The following ZNF792 variants were observed in gnomAD, a reference collection of about 807,000 sequenced individuals.
The protein encoded by ZNF792 is zinc finger protein 792.
A neutral mutation model predicts 13.1 loss-of-function variants in ZNF792; 14 were observed. The observed-to-expected ratio is 1.07, with a 90% confidence interval of 0.71 to 1.67. The LOEUF (loss-of-function observed/expected upper bound fraction) is 1.67, where lower values mean the gene tolerates loss of function less well. Ranked by LOEUF, ZNF792 falls within the 40% of genes most tolerant of loss-of-function variation. The pLI is 0.00. For missense variants in ZNF792, 740 were observed against 807.9 expected, an observed-to-expected ratio of 0.92 and a Z score of 1.02; for synonymous variants, 257 against 292.0, an observed-to-expected ratio of 0.88 and a Z score of 1.22.
At position 34,958,667 on chromosome 19, in the gene ZNF792, G is replaced by A. The variant is rs1415744884; in HGVS notation, c.1188C>T (p.Cys396=). The change falls in exon 4 of 4, where the codon TGC becomes TGT. Residue 396 remains cysteine (C), a synonymous_variant. Coordinates refer to ENST00000404801, the MANE Select transcript of ZNF792 (RefSeq NM_175872.5). Reference sequence around the variant, plus strand: ...AGTTGAAAGATTTCCCACATTCACTGCACTCATGGGCACTTCTGCCCGTAT... The same window carrying A: ...AGTTGAAAGATTTCCCACATTCACTACACTCATGGGCACTTCTGCCCGTAT... The part of the protein sequence containing the change: ...RVHTGRSAHE[C]SECGKSFNCN... 2.5e-6 allele frequency: 4 copies of A among 1,614,132 alleles called. No individual in the cohort carries two copies. The East Asian group carries it at 6.7e-5, about 27-fold the overall frequency.
chr19:34,963,957 C>A lies in ZNF792; in HGVS notation c.-295G>T, dbSNP rs1010395677. On this transcript the variant is annotated 5_prime_UTR_variant, in exon 1 of 4. Transcript: ENST00000404801. ...CCGGCCTCACTGTCCCCCTCGCGGTCCGGGAAAGCCGGCGGGGCAGCTTCA... is the reference window on the plus strand; with the variant it reads ...CCGGCCTCACTGTCCCCCTCGCGGTACGGGAAAGCCGGCGGGGCAGCTTCA... 3.4e-5 allele frequency: 13 copies of A among 379,384 alleles called. No homozygotes were observed. The highest frequency in any genetic ancestry group is 5.2e-5 in the Non-Finnish European group (11 of 212,268). The allele number at this position is 379,384 out of a possible 1,614,324, so 23.5% of individuals were successfully genotyped here. A position where few individuals can be genotyped will look rare whatever the true frequency, so the allele number is the denominator to read the frequency against.
intron 2 of ZNF792, 41 bp downstream of exon 2, chr19:34,960,825 CAG>C: frequency 6.2e-7 from 1 of 1,613,340 alleles, no homozygotes; most frequent in South Asian, 1.1e-5. Flanking sequence ...AGGGGACAGG[CAG>C]AGAGGAGCTC....
In ZNF792 at chr19:34,963,851, C is replaced by T; in HGVS notation, c.-189G>A. 1.5e-6 allele frequency: 1 copy of T among 645,958 alleles called. No individual in the cohort carries two copies. Among genetic ancestry groups the T allele is most frequent in the Admixed American group, 3.5e-5 (1 of 28,906 alleles). The allele number at this position is 645,958 out of a possible 1,614,324, so 40.0% of individuals were successfully genotyped here. ...CGCAAGGGGCCCGGGGCGCAGGCTCCGGGGGCGCCGAGAGCGCGCAGCTCC... is the reference window on the plus strand; with the variant it reads ...CGCAAGGGGCCCGGGGCGCAGGCTCTGGGGGCGCCGAGAGCGCGCAGCTCC... On this transcript the variant is annotated 5_prime_UTR_variant, in exon 1 of 4. Transcript: ENST00000404801.
Position 34,963,735 on chromosome 19 carries a change from G to A in ZNF792, c.-73C>T, listed in dbSNP as rs1200514208. 6.8e-7 allele frequency: 1 copy of A among 1,462,640 alleles called. No individual in the cohort carries two copies. Among genetic ancestry groups the A allele is most frequent in the East Asian group, 2.5e-5 (1 of 40,210 alleles). 90.6% of individuals were successfully genotyped at this position (1,462,640 alleles called of 1,614,324 possible). On this transcript the variant is annotated 5_prime_UTR_variant, in exon 1 of 4. Transcript: ENST00000404801. Reference sequence around the variant, plus strand: ...GCGGGGGTAGGGGGTCTCGCAGGCTGAGGCTACCACCCACCTGGCCGTGCC... The same window carrying A: ...GCGGGGGTAGGGGGTCTCGCAGGCTAAGGCTACCACCCACCTGGCCGTGCC...
intron 1 of ZNF792, 79 bp downstream of exon 1, chr19:34,963,551 A>G: frequency 6.4e-7 from 1 of 1,551,766 alleles, no homozygotes; most frequent in Non-Finnish European, 8.7e-7. Context: ...TCCTAGAACA[A>G]AGCCATCTTT....
Position 34,964,028 on chromosome 19 carries a change from TC to T in ZNF792, c.-367del, listed in dbSNP as rs1369971522. On this transcript the variant is annotated 5_prime_UTR_variant, in exon 1 of 4. Transcript: ENST00000404801. Reference sequence around the variant, plus strand: ...CCGCCCCCAACTCGGGGTCCCCAGCTCCTGGGGACTCAGCCTCCCCGCCGGG... The same window carrying T: ...CCGCCCCCAACTCGGGGTCCCCAGCTCTGGGGACTCAGCCTCCCCGCCGGG... 4.0e-6 allele frequency: 1 copy of T among 250,264 alleles called. No homozygotes were observed. Among genetic ancestry groups the T allele is most frequent in the African/African-American group, 2.3e-5 (1 of 44,258 alleles). 15.5% of individuals were successfully genotyped at this position (250,264 alleles called of 1,614,324 possible).
chr19:34,963,764 G>T lies in ZNF792; in HGVS notation c.-102C>A. Reference sequence around the variant, plus strand: ...CTACCACCCACCTGGCCGTGCCCCAGACGAGGTGTGACCCCGGGCTGAGGG... The same window carrying T: ...CTACCACCCACCTGGCCGTGCCCCATACGAGGTGTGACCCCGGGCTGAGGG... On this transcript the variant is annotated 5_prime_UTR_variant, in exon 1 of 4. The change creates a new upstream start codon in the 5' untranslated region. Transcript: ENST00000404801. 1 of 1,283,220 alleles carries T rather than the reference G, an allele frequency of 7.8e-7. No homozygotes were observed. The highest frequency in any genetic ancestry group is 1.5e-5 in the African/African-American group (1 of 66,684). The allele number at this position is 1,283,220 out of a possible 1,614,324, so 79.5% of individuals were successfully genotyped here.
rs1456624267 is a variant in ZNF792, at chr19:34,956,785, A to G, written c.*1171T>C. 2 of 152,090 alleles carry G rather than the reference A, an allele frequency of 1.3e-5. No homozygotes were observed. Among genetic ancestry groups the G allele is most frequent in the Admixed American group, 6.5e-5 (1 of 15,272 alleles). 9.4% of individuals were successfully genotyped at this position (152,090 alleles called of 1,614,324 possible). On this transcript the variant is annotated 3_prime_UTR_variant, in exon 4 of 4. Coordinates refer to ENST00000404801, the MANE Select transcript of ZNF792 (RefSeq NM_175872.5). ...TAGGATCTGCTTTTTCTCAGTCCCT[A>G]TTTTCCTGCCAGCACAGCACTGGCC...
At chr19:34,960,684 C>G in intron 2 of ZNF792, 184 bp downstream of exon 2, 1 of 909,198 alleles carries the variant, frequency 1.1e-6, no homozygotes, top group Admixed American at 2.4e-5. Flanking sequence ...GGTGTGGGGG[C>G]AGCTCAGGGA....
chr19:34,958,402 T>A lies in ZNF792; in HGVS notation c.1453A>T (p.Lys485Ter), dbSNP rs777431125. The change falls in exon 4 of 4, where the codon AAG (lysine) becomes TAG (stop). Residue 485 changes from lysine to a stop codon, truncating the protein, a stop_gained. Coordinates refer to ENST00000404801, the MANE Select transcript of ZNF792 (RefSeq NM_175872.5). LOFTEE classifies it low-confidence loss of function (END_TRUNC). ...AGGCTGGAGCTCTGGCTAAATAACT[T>A]CCCACATTCATTGCATTCATAAGGC... ...ERPYECNECG[K>*]LFSQSSSLNS... The A allele has an allele frequency of 7.4e-6, 12 of 1,613,758 alleles. No individual in the cohort carries two copies. The highest frequency in any genetic ancestry group is 1.0e-5 in the Non-Finnish European group (12 of 1,179,842).
At chr19:34,959,853 C>T (rs1406141249) in intron 3 of ZNF792, among the ~76,000 whole-genome samples, 2 of 152,180 alleles carry the variant, frequency 1.3e-5, no homozygotes, top group Non-Finnish European at 2.9e-5. Context: ...TTTGGCAGGG[C>T]CTGGGCTGCT....
In ZNF792 at chr19:34,956,748, G is replaced by GT. The variant is rs2013436686; in HGVS notation, c.*1207dup. The GT allele has an allele frequency of 6.6e-6, 1 of 152,154 alleles. No individual in the cohort carries two copies. The highest frequency in any genetic ancestry group is 2.1e-4 in the South Asian group (1 of 4,828). The allele number at this position is 152,154 out of a possible 1,614,324, so 9.4% of individuals were successfully genotyped here. A position where few individuals can be genotyped will look rare whatever the true frequency, so the allele number is the denominator to read the frequency against. On this transcript the variant is annotated 3_prime_UTR_variant, in exon 4 of 4. Transcript: ENST00000404801. ...GGCTGGCTACGTCATAGATACTACAGTCCCTATAGTATAGGATCTGCTTTT... is the reference window on the plus strand; with the variant it reads ...GGCTGGCTACGTCATAGATACTACAGTTCCCTATAGTATAGGATCTGCTTTT...
intron 3 of ZNF792, 100 bp downstream of exon 3, chr19:34,960,135 G>T: frequency 6.6e-7 from 1 of 1,509,272 alleles, no homozygotes; most frequent in Non-Finnish European, 9.0e-7. Context: ...TCTGGCTACT[G>T]GCATTGGTAT....
In ZNF792 at chr19:34,960,246, C is replaced by T; in HGVS notation, c.272G>A (p.Arg91Lys). ...TSAMARGAYG[R>K]PGSDFCHGTE... The stretch of plus-strand genomic sequence containing the variant: ...CCATCGCTGCTTACCAGAGCCAGGC[C>T]TGCCATAAGCCCCTCTGGCCATGGC... The change falls in exon 3 of 4, where the codon AGG (arginine) becomes AAG (lysine). Residue 91 changes from arginine to lysine, a missense_variant. Arg to Lys is a conservative substitution (Grantham distance 26). Coordinates refer to ENST00000404801, the MANE Select transcript of ZNF792 (RefSeq NM_175872.5). 6.2e-7 allele frequency: 1 copy of T among 1,613,788 alleles called. No individual in the cohort carries two copies. Among genetic ancestry groups the T allele is most frequent in the Non-Finnish European group, 8.5e-7 (1 of 1,179,706 alleles).
intron 1 of ZNF792, 113 bp downstream of exon 1, chr19:34,963,517 C>G (rs2013558049): frequency 1.4e-6 from 2 of 1,469,682 alleles, no homozygotes; most frequent in Non-Finnish European, 1.9e-6. Flanking sequence ...GACTCAAAAG[C>G]AAGGAAATGG....
chr19:34,962,787 G>A (rs1464802193), intron 1 of ZNF792, among the ~76,000 whole-genome samples: 2 of 152,130 alleles, frequency 1.3e-5, no homozygotes, highest in South Asian at 2.1e-4. Context: ...TGTGTTCAGC[G>A]GCCCACTCTT....
At chr19:34,960,166 A>G in intron 3 of ZNF792, 69 bp downstream of exon 3, 3 of 1,578,666 alleles carry the variant, frequency 1.9e-6, no homozygotes, top group Non-Finnish European at 2.6e-6. Flanking sequence ...TGAATAGGAG[A>G]GAAGATGCTG....
intron 1 of ZNF792, among the ~76,000 whole-genome samples, chr19:34,963,138 C>T (rs2013552020): frequency 6.6e-6 from 1 of 152,128 alleles, no homozygotes; most frequent in South Asian, 2.1e-4. Flanking sequence ...CACTGTGCAT[C>T]CACAGGGAGC....
Position 34,958,760 on chromosome 19 carries a change from TG to T in ZNF792, c.1094del (p.Pro365HisfsTer45). On this transcript the variant is annotated frameshift_variant, in exon 4 of 4. Coordinates refer to ENST00000404801, the MANE Select transcript of ZNF792 (RefSeq NM_175872.5). LOFTEE classifies it low-confidence loss of function (END_TRUNC). ...QHKRVHTGEKPYECSDCGKFF... is the reference protein window; with the variant it reads ...QHKRVHTGEKXYECSDCGKFF... ...ACTTCCCACAGTCGCTGCACTCATA[TG>T]GCTTTTCACCAGTGTGAACCCTCTT... is the stretch of plus-strand genomic sequence containing the variant. 2 of 1,613,646 alleles carry T rather than the reference TG, an allele frequency of 1.2e-6. No individual in the cohort carries two copies. The highest frequency in any genetic ancestry group is 1.7e-6 in the Non-Finnish European group (2 of 1,179,870).
Sources: gnomAD v4.1 joint callset for allele counts (sites outside exome capture counted in the v4.1 genomes callset) on GRCh38, gnomAD v4.1.1 for gene constraint, MANE v1.5 for transcripts, NCBI Gene and HGNC (gene_info 2026-07-23, HGNC 2026-07-21) for gene names.